The following CABIN1 variants were observed in gnomAD, a reference collection of about 807,000 sequenced individuals.
The protein encoded by CABIN1 is calcineurin-binding protein cabin-1.
Under a neutral mutation model 227.7 loss-of-function variants are expected in CABIN1, and 133 were observed. The observed-to-expected ratio is 0.58, with a 90% confidence interval of 0.51 to 0.67. The LOEUF is 0.67. Ranked by LOEUF, CABIN1 falls within the 30% of genes least tolerant of loss-of-function variation. The probability of loss-of-function intolerance (pLI) is 0.00; values close to 1 mark genes in which losing one functional copy is unlikely to be tolerated. For synonymous variants in CABIN1, 1,086 were observed against 1,155.1 expected, an observed-to-expected ratio of 0.94 and a Z score of 1.21; for missense variants, 2,408 against 2,852.5, an observed-to-expected ratio of 0.84 and a Z score of 3.55.
At chr22:24,175,348 A>C (rs145028022) in intron 34 of CABIN1, among the ~76,000 whole-genome samples, 2 of 152,170 alleles carry the variant, frequency 1.3e-5, no homozygotes, top group Non-Finnish European at 2.9e-5. Context: ...CTGACCAAGG[A>C]GGGGAGCTGG....
rs1174379028 is a variant in CABIN1 at position 24,090,799 on chromosome 22, A to G, written c.3526-784A>G. ...AAGAGACTTTGGCTTCCCTGCTATC[A>G]ATCCAGGACCACAGAGAGGAGGGAT... On this transcript the variant is annotated intron_variant, in intron 23 of 36. Coordinates refer to ENST00000263119, the MANE Select transcript of CABIN1 (RefSeq NM_012295.4). Among the ~76,000 whole-genome samples the G allele has an allele frequency of 2.6e-5, 4 of 151,952 alleles. No individual in the cohort carries two copies. In the East Asian group the frequency reaches 7.7e-4, roughly 29 times the overall value.
At chr22:24,035,955 A>G in intron 2 of CABIN1, 134 bp from the exon 3 acceptor site, 1 of 632,102 alleles carries the variant, frequency 1.6e-6, no homozygotes, top group Non-Finnish European at 2.9e-6. Context: ...CATTCCCCAC[A>G]TCTGAGAAGG....
At chr22:24,147,598 C>T (rs557118719) in intron 29 of CABIN1, among the ~76,000 whole-genome samples, 9 of 151,748 alleles carry the variant, frequency 5.9e-5, no homozygotes, top group Admixed American at 5.9e-4. Flanking sequence ...GCAGATGTGC[C>T]CCACCACACC....
In CABIN1 at chr22:24,050,991, C is replaced by G; in HGVS notation, c.806+17C>G. On this transcript the variant is annotated intron_variant, in intron 8 of 36. Coordinates refer to ENST00000263119, the MANE Select transcript of CABIN1 (RefSeq NM_012295.4). Reference sequence around the variant, plus strand: ...TTTCTTCACGTAGGTTGTCTAGCGTCTCTGGGAGTGCTGGGTCGGCCAGTA... The same window carrying G: ...TTTCTTCACGTAGGTTGTCTAGCGTGTCTGGGAGTGCTGGGTCGGCCAGTA... The G allele has an allele frequency of 1.2e-6, 2 of 1,614,038 alleles. No individual in the cohort carries two copies. The highest frequency in any genetic ancestry group is 1.7e-6 in the Non-Finnish European group (2 of 1,180,006).
At position 24,177,024 on chromosome 22, in the gene CABIN1, C is replaced by T. The variant is rs1292510638; in HGVS notation, c.6206-480C>T. ...ACTGGCCCAGCCTTCAGGCTCTGGG[C>T]AAACTCAGCCCCTTGCTCCCACTGG... On this transcript the variant is annotated intron_variant, in intron 35 of 36. Coordinates refer to ENST00000263119, the MANE Select transcript of CABIN1 (RefSeq NM_012295.4). The surrounding 1 kb of genome is among the most constrained non-coding windows in gnomAD (Gnocchi z 4.4). Among the ~76,000 whole-genome samples the T allele has an allele frequency of 6.6e-6, 1 of 152,234 alleles. No individual in the cohort carries two copies. The highest frequency in any genetic ancestry group is 6.5e-5 in the Admixed American group (1 of 15,290).
At chr22:24,167,756 C>T (rs2046539490) in intron 32 of CABIN1, among the ~76,000 whole-genome samples, 1 of 152,160 alleles carries the variant, frequency 6.6e-6, no homozygotes, top group South Asian at 2.1e-4. Flanking sequence ...ATCTCCAAAA[C>T]TTTAGTGACT....
chr22:24,063,257 T>TGTGC, intron 14 of CABIN1, 111 bp downstream of exon 14: 1 of 1,056,742 alleles, frequency 9.5e-7, no homozygotes, highest in East Asian at 2.4e-5. Flanking sequence ...TGTGTGTGTG[T>TGTGC]GCATGCATGT....
Position 24,113,744 on chromosome 22 carries a change from A to C in CABIN1, c.4296A>C (p.Glu1432Asp). Residue 1432 changes from glutamate to aspartate, a missense_variant, in exon 27 of 37, where the codon GAA becomes GAC. Physicochemically the swap from Glu to Asp is conservative, Grantham distance 45. Around this residue, in one of 3 missense-constraint regions of CABIN1, gnomAD observed 649 missense variants for 910.3 expected, o/e 0.71. Transcript: ENST00000263119. ...AAGATCTTCAGGGGGCCACAGAAGA[A>C]AGAGGTATGAAGCCCTAACTCGGTG... The part of the protein sequence containing the change: ...TGKDLQGATE[E>D]RGKNEESLES... 1 of 1,613,802 alleles carries C rather than the reference A, an allele frequency of 6.2e-7. No individual in the cohort carries two copies. The highest frequency in any genetic ancestry group is 8.5e-7 in the Non-Finnish European group (1 of 1,180,004).
rs774269999 is a variant in CABIN1 at position 24,178,230 on chromosome 22, G to C, written c.*34G>C. The C allele has an allele frequency of 6.2e-7, 1 of 1,611,516 alleles. No homozygotes were observed. The highest frequency in any genetic ancestry group is 8.5e-7 in the Non-Finnish European group (1 of 1,179,520). The stretch of plus-strand genomic sequence containing the variant: ...TGCAGCCCCACCGCCACGCCCCAGG[G>C]GACCAGCCAGGCCTGGAATGCCCCC... On this transcript the variant is annotated 3_prime_UTR_variant, in exon 37 of 37. Transcript: ENST00000263119.
Position 24,024,352 on chromosome 22 carries a change from C to T in CABIN1, c.-74-11092C>T, listed in dbSNP as rs576005767. ...CTTTTGTTTCCTGTGCTTTTGGTGTCATGCTTAAGAGGCTATTGCCAGATC... is the reference window on the plus strand; with the variant it reads ...CTTTTGTTTCCTGTGCTTTTGGTGTTATGCTTAAGAGGCTATTGCCAGATC... On this transcript the variant is annotated intron_variant, in intron 1 of 36. Transcript: ENST00000263119. Among the ~76,000 whole-genome samples the T allele has an allele frequency of 3.0e-4, 45 of 152,232 alleles. 2 individuals carry two copies. In the South Asian group the frequency reaches 9.1e-3, roughly 31 times the overall value.
chr22:24,095,895 G>C (rs764404147), intron 24 of CABIN1, 36 bp from the exon 25 acceptor site: 1 of 1,612,930 alleles, frequency 6.2e-7, no homozygotes, highest in Non-Finnish European at 8.5e-7. Flanking sequence ...TTAGCAACTG[G>C]GAAGGCTGCT....
At position 24,059,304 on chromosome 22, in the gene CABIN1, G is replaced by A. The variant is rs1220551065; in HGVS notation, c.1340G>A (p.Ser447Asn). The A allele has an allele frequency of 2.5e-6, 4 of 1,614,224 alleles. No individual in the cohort carries two copies. Among genetic ancestry groups the A allele is most frequent in the South Asian group, 1.1e-5 (1 of 91,076 alleles). ...GTCCAGTCAGAAGCCAAACTGGAAA[G>A]CTTCCCAAGCATTGGGCCTCAAAGG... ...YEVQSEAKLE[S>N]FPSIGPQRLS... Residue 447 changes from serine to asparagine, a missense_variant, in exon 11 of 37, where the codon AGC (serine) becomes AAC (asparagine). By Grantham distance (46) the Ser-to-Asn change is conservative. Around this residue, in one of 3 missense-constraint regions of CABIN1, gnomAD observed 1,045 missense variants for 1,168.4 expected, o/e 0.89. Coordinates refer to ENST00000263119, the MANE Select transcript of CABIN1 (RefSeq NM_012295.4).
At chr22:24,160,098 AGCCTTG>A (rs2046063523) in intron 29 of CABIN1, among the ~76,000 whole-genome samples, 1 of 152,180 alleles carries the variant, frequency 6.6e-6, no homozygotes, top group Non-Finnish European at 1.5e-5. Context: ...ATCACTAGGC[AGCCTTG>A]GCAGGTCACC....
At chr22:24,105,051 T>C (rs1048406234) in intron 26 of CABIN1, among the ~76,000 whole-genome samples, 2 of 152,218 alleles carry the variant, frequency 1.3e-5, no homozygotes, top group Non-Finnish European at 2.9e-5. Context: ...AGAGCTCTTT[T>C]AGGCTGGCCT....
intron 8 of CABIN1, among the ~76,000 whole-genome samples, chr22:24,054,408 CCTGCCCATGGT>C (rs1262884739): frequency 1.3e-5 from 2 of 152,284 alleles, no homozygotes; most frequent in Non-Finnish European, 2.9e-5. Flanking sequence ...CCCCATAGGC[CCTGCCCATGGT>C]CCAAGTTCTT....
At chr22:24,118,653 C>A (rs1358909311) in intron 27 of CABIN1, among the ~76,000 whole-genome samples, 3 of 152,208 alleles carry the variant, frequency 2.0e-5, no homozygotes, top group Non-Finnish European at 4.4e-5. Flanking sequence ...TCTGTCCCAC[C>A]CTCCCGGGCC....
At chr22:24,051,204 T>C (rs555329996) in intron 8 of CABIN1, among the ~76,000 whole-genome samples, 148 of 152,342 alleles carry the variant, frequency 9.7e-4, no homozygotes, top group African/African-American at 3.4e-3. Context: ...TTGCTGTTGC[T>C]GTTCTTGACC....
intron 29 of CABIN1, among the ~76,000 whole-genome samples, chr22:24,139,286 C>T (rs1306672629): frequency 2.0e-5 from 3 of 152,126 alleles, no homozygotes; most frequent in Non-Finnish European, 4.4e-5. Context: ...TTAAAAAGTG[C>T]GTGTGTGGCT....
intron 27 of CABIN1, 146 bp from the exon 28 acceptor site, chr22:24,119,221 C>A: frequency 1.3e-6 from 1 of 742,314 alleles, no homozygotes; most frequent in South Asian, 1.5e-5. Context: ...GTGCCTCCTG[C>A]TGCTGGGTCC....
Sources: allele counts gnomAD v4.1 joint callset (sites outside exome capture counted in the v4.1 genomes callset), GRCh38; gene constraint gnomAD v4.1.1; regional missense constraint gnomAD v4.1.1; non-coding constraint Gnocchi (gnomAD v3.1); transcripts MANE v1.5; gene names NCBI Gene and HGNC (gene_info 2026-07-23, HGNC 2026-07-21).